FLRT2: variants seen among roughly 807,000 people sequenced by gnomAD.
FLRT2 encodes fibronectin leucine rich transmembrane protein 2.
A neutral mutation model predicts 40.0 loss-of-function variants in FLRT2; 15 were observed. The ratio of observed to expected loss-of-function variants is 0.38; its 90% confidence interval spans 0.25 to 0.58. The LOEUF is 0.58. FLRT2 is among the 20% of genes least tolerant of loss of function. The pLI is 0.71. For synonymous variants in FLRT2, 380 were observed against 336.8 expected (o/e 1.13, Z -1.41); for missense variants, 726 against 840.0 (o/e 0.86, Z 1.68).
chr14:85,600,532 G>A lies in FLRT2; in HGVS notation c.-376-20607G>A, dbSNP rs78144674. On this transcript the variant is annotated intron_variant, in intron 1 of 1. Coordinates refer to ENST00000330753, the MANE Select transcript of FLRT2 (RefSeq NM_013231.6). ...ACTCTGACAGGACATCAGAGAAACT[G>A]ATGGAGGTTAGAGCTTGGGGAAAAT... Among the ~76,000 whole-genome samples, 427 of 152,338 alleles carry A rather than the reference G, an allele frequency of 2.8e-3. 12 individuals carry two copies. In the East Asian group the frequency reaches 0.063, roughly 22 times the overall value.
At chr14:85,601,625 A>T (rs530698970) in intron 1 of FLRT2, among the ~76,000 whole-genome samples, 1 of 152,324 alleles carries the variant, frequency 6.6e-6, no homozygotes, top group African/African-American at 2.4e-5. Flanking sequence ...TGCTAACTGG[A>T]CAAGCTTGAG....
chr14:85,619,382 A>G (rs1353869206), intron 1 of FLRT2, among the ~76,000 whole-genome samples: 1 of 152,044 alleles, frequency 6.6e-6, no homozygotes, highest in African/African-American at 2.4e-5. Context: ...ACCACATGAA[A>G]TCAAGCCCGG....
At chr14:85,560,642 A>C (rs1238142464) in intron 1 of FLRT2, among the ~76,000 whole-genome samples, 1 of 151,848 alleles carries the variant, frequency 6.6e-6, no homozygotes, top group East Asian at 1.9e-4. Context: ...AAATGACATC[A>C]CAAAAAAGGG....
At chr14:85,557,429 G>A (rs751755918) in intron 1 of FLRT2, among the ~76,000 whole-genome samples, 5 of 151,994 alleles carry the variant, frequency 3.3e-5, no homozygotes, top group Non-Finnish European at 7.4e-5. Flanking sequence ...GTTACATTAG[G>A]AATATGAAGT....
intron 1 of FLRT2, among the ~76,000 whole-genome samples, chr14:85,596,371 A>G (rs1892138026): frequency 6.6e-6 from 1 of 152,170 alleles, no homozygotes; most frequent in Non-Finnish European, 1.5e-5. Flanking sequence ...CTGGACATAC[A>G]CTTTTCATGT....
rs781705280 is a variant in FLRT2 at position 85,622,769 on chromosome 14, C to G, written c.1255C>G (p.Pro419Ala). The G allele has an allele frequency of 1.6e-5, 26 of 1,614,120 alleles. No homozygotes were observed. Among genetic ancestry groups the G allele is most frequent in the Non-Finnish European group, 2.2e-5 (26 of 1,180,014 alleles). Residue 419 changes from proline (P) to alanine (A), a missense_variant, in exon 2 of 2, where the codon CCA becomes GCA. Coordinates refer to ENST00000330753, the MANE Select transcript of FLRT2 (RefSeq NM_013231.6). ...PDWDGRERVT[P>A]PISERIQLSI... The stretch of plus-strand genomic sequence containing the variant: ...CTGGGATGGCAGAGAAAGAGTGACC[C>G]CACCTATTTCTGAACGGATCCAGCT...
chr14:85,541,271 G>A (rs898268031), intron 1 of FLRT2, among the ~76,000 whole-genome samples: 4 of 152,164 alleles, frequency 2.6e-5, no homozygotes, highest in African/African-American at 9.7e-5. Context: ...ATTCATTCAG[G>A]AGATGATTTT....
chr14:85,590,873 C>T (rs1353540210), intron 1 of FLRT2, among the ~76,000 whole-genome samples: 2 of 152,186 alleles, frequency 1.3e-5, no homozygotes, highest in East Asian at 1.9e-4. Flanking sequence ...GCTGGGATTA[C>T]AGGCTTGAGC....
At chr14:85,578,234 T>A (rs3845243) in intron 1 of FLRT2, among the ~76,000 whole-genome samples, 79,460 of 145,742 alleles carry the variant, frequency 0.55, 22,827 homozygotes, top group African/African-American at 0.73. Context: ...ATTTATATAT[T>A]TTTTATGTAT....
intron 1 of FLRT2, among the ~76,000 whole-genome samples, chr14:85,567,100 C>T (rs117939689): frequency 0.01 from 1,591 of 152,226 alleles, 8 homozygotes; most frequent in South Asian, 0.015. Context: ...GTAATTTTAT[C>T]AGAGGGGCTG....
chr14:85,643,337 TTC>T lies in FLRT2; in HGVS notation c.*19842_*19843del, dbSNP rs1491299030. On this transcript the variant is annotated 3_prime_UTR_variant, in exon 2 of 2. Coordinates refer to ENST00000330753, the MANE Select transcript of FLRT2 (RefSeq NM_013231.6). ...TTTCTTTCTTTCTTTCTTTCTTTCTTTCTTTCTTTCTTTCTTTCTTCCTTCCT... is the reference window on the plus strand; with the variant it reads ...TTTCTTTCTTTCTTTCTTTCTTTCTTTTTCTTTCTTTCTTTCTTCCTTCCT... The T allele has an allele frequency of 2.5e-5, 3 of 118,140 alleles. No individual in the cohort carries two copies. The highest frequency in any genetic ancestry group is 2.6e-4 in the East Asian group (1 of 3,798). The allele number at this position is 118,140 out of a possible 1,614,324, so 7.3% of individuals were successfully genotyped here. A position where few individuals can be genotyped will look rare whatever the true frequency, so the allele number is the denominator to read the frequency against.
chr14:85,595,021 C>T (rs1401491881), intron 1 of FLRT2, among the ~76,000 whole-genome samples: 1 of 152,070 alleles, frequency 6.6e-6, no homozygotes, highest in African/African-American at 2.4e-5. Flanking sequence ...TCTTTATCCT[C>T]ATCTTCTTCA....
At chr14:85,592,031 A>C (rs951023789) in intron 1 of FLRT2, among the ~76,000 whole-genome samples, 2 of 152,228 alleles carry the variant, frequency 1.3e-5, no homozygotes, top group African/African-American at 4.8e-5. Context: ...TTAACAAAGT[A>C]AATTACAAAT....
At position 85,639,849 on chromosome 14, in the gene FLRT2, T is replaced by TC. The variant is rs1555373415; in HGVS notation, c.*16354dup. 1 of 94,878 alleles carries TC rather than the reference T, an allele frequency of 1.1e-5. No homozygotes were observed. The highest frequency in any genetic ancestry group is 2.2e-5 in the Non-Finnish European group (1 of 45,558). The allele number at this position is 94,878 out of a possible 1,614,324, so 5.9% of individuals were successfully genotyped here. On this transcript the variant is annotated 3_prime_UTR_variant, in exon 2 of 2. Transcript: ENST00000330753. ...CAGAAATTCTTTATTTTTTTTTTTTTCCTTTTTTTTTTTTTTTGAGACAGT... is the reference window on the plus strand; with the variant it reads ...CAGAAATTCTTTATTTTTTTTTTTTTCCCTTTTTTTTTTTTTTTGAGACAGT...
chr14:85,553,012 G>A (rs1444434015), intron 1 of FLRT2, among the ~76,000 whole-genome samples: 1 of 152,032 alleles, frequency 6.6e-6, no homozygotes, highest in East Asian at 1.9e-4. Flanking sequence ...TTTAACTATG[G>A]GATTTTTGTG....
chr14:85,619,186 C>G (rs2139365582), intron 1 of FLRT2, among the ~76,000 whole-genome samples: 1 of 151,614 alleles, frequency 6.6e-6, no homozygotes, highest in South Asian at 2.1e-4. Context: ...CAGGCTCTGG[C>G]AATCCTCCCA....
At chr14:85,608,650 T>C (rs865969924) in intron 1 of FLRT2, among the ~76,000 whole-genome samples, 1 of 152,224 alleles carries the variant, frequency 6.6e-6, no homozygotes, top group African/African-American at 2.4e-5. Context: ...TAAGTCATAA[T>C]GTTTCTTAAA....
At chr14:85,611,290 G>T (rs1892846198) in intron 1 of FLRT2, among the ~76,000 whole-genome samples, 2 of 152,074 alleles carry the variant, frequency 1.3e-5, no homozygotes, top group Non-Finnish European at 2.9e-5. Flanking sequence ...CTCAACAATT[G>T]CCTGATGAAT....
At chr14:85,555,734 T>TTATTTTA in intron 1 of FLRT2, among the ~76,000 whole-genome samples, 1 of 148,228 alleles carries the variant, frequency 6.7e-6, no homozygotes, top group Admixed American at 6.8e-5. Flanking sequence ...TTATTTTATT[T>TTATTTTA]TTTTAGAGAT....
Sources: gnomAD v4.1 joint callset for allele counts (sites outside exome capture counted in the v4.1 genomes callset) on GRCh38, gnomAD v4.1.1 for gene constraint, MANE v1.5 for transcripts, NCBI Gene and HGNC (gene_info 2026-07-23, HGNC 2026-07-21) for gene names.